The following TNNC2 variants were observed in gnomAD, a reference collection of about 807,000 sequenced individuals.
TNNC2 encodes the protein troponin C2, fast skeletal type.
Under a neutral mutation model 20.0 loss-of-function variants are expected in TNNC2, and 14 were observed. That is an observed-to-expected ratio of 0.70 (90% CI 0.46 to 1.09). TNNC2 has a LOEUF of 1.09. Ranked by LOEUF, TNNC2 falls within the 50% of genes least tolerant of loss-of-function variation. TNNC2 has a pLI of 0.00. For synonymous variants in TNNC2, 81 were observed against 77.3 expected (o/e 1.05, Z -0.25); for missense variants, 163 against 223.8 (o/e 0.73, Z 1.73).
intron 1 of TNNC2, among the ~76,000 whole-genome samples, chr20:45,825,919 C>T (rs567709282): frequency 5.5e-4 from 83 of 152,202 alleles, no homozygotes; most frequent in Non-Finnish European, 1.1e-3. Context: ...CGCGCGCAGC[C>T]TGTGACCCCA....
intron 4 of TNNC2, 59 bp downstream of exon 4, chr20:45,824,233 G>A: frequency 6.2e-7 from 1 of 1,600,928 alleles, no homozygotes; most frequent in Non-Finnish European, 8.5e-7. Context: ...AGCTTCCAGC[G>A]CTGCCGGCCG....
Position 45,823,864 on chromosome 20 carries a change from G to T in TNNC2, c.451+127C>A. 6.7e-7 allele frequency: 1 copy of T among 1,489,414 alleles called. No homozygotes were observed. The highest frequency in any genetic ancestry group is 9.1e-7 in the Non-Finnish European group (1 of 1,102,218). 92.3% of individuals were successfully genotyped at this position (1,489,414 alleles called of 1,614,324 possible). ...CTATACCTGCCCCCAGGAGACTATG[G>T]GGAACTTGGTGAAGTTACGCCCAGC... On this transcript the variant is annotated intron_variant, in intron 5 of 5. Transcript: ENST00000372555. The surrounding 1 kb of genome is among the most constrained non-coding windows in gnomAD (Gnocchi z 4.6).
At chr20:45,826,300 C>T (rs1171618746) in intron 1 of TNNC2, among the ~76,000 whole-genome samples, 3 of 152,228 alleles carry the variant, frequency 2.0e-5, no homozygotes, top group Admixed American at 6.5e-5. Context: ...ATAAAAGACA[C>T]ATCATCCCGC....
chr20:45,832,102 A>C (rs1395961380), upstream of TNNC2, among the ~76,000 whole-genome samples: 2 of 152,192 alleles, frequency 1.3e-5, no homozygotes, highest in Non-Finnish European at 2.9e-5. Context: ...ACTTGAGGCC[A>C]GGTGTTCCAG....
chr20:45,832,389 G>A (rs934514035), intron 2 of TNNC2, among the ~76,000 whole-genome samples: 1 of 152,212 alleles, frequency 6.6e-6, no homozygotes, highest in Admixed American at 6.5e-5. Context: ...TTTCCCAGAT[G>A]TGGATCTTGG....
chr20:45,829,753 T>C (rs1484859673), upstream of TNNC2, among the ~76,000 whole-genome samples: 2 of 149,788 alleles, frequency 1.3e-5, no homozygotes, highest in Non-Finnish European at 3.0e-5. Flanking sequence ...ACCACTGCAC[T>C]CCAGCCTGGG....
In TNNC2 at chr20:45,823,613, C is replaced by A. The variant is rs378710; in HGVS notation, c.452-234G>T. On this transcript the variant is annotated intron_variant, in intron 5 of 5. Transcript: ENST00000372555. This position sits in a 1 kb window ranked among gnomAD's most constrained non-coding sequence, Gnocchi z 4.6. ...CAAGCGATCCTCTTACCTCAGCCCC[C>A]GGAGCAACTGGGACCACAGGTGTGC... Among the ~76,000 whole-genome samples the A allele has an allele frequency of 6.6e-6, 1 of 151,856 alleles. No individual in the cohort carries two copies. The highest frequency in any genetic ancestry group is 1.5e-5 in the Non-Finnish European group (1 of 67,934).
chr20:45,824,104 G>T lies in TNNC2; in HGVS notation c.338C>A (p.Pro113Gln). The change falls in exon 5 of 6, where the codon CCG (proline) becomes CAG (glutamine). Residue 113 changes from proline to glutamine, a missense_variant. By Grantham distance (76) the Pro-to-Gln change is moderately conservative (BLOSUM62 -1). Coordinates refer to ENST00000372555, the MANE Select transcript of TNNC2 (RefSeq NM_003279.3). ...FDRNADGYIDPEELAEIFRAS... is the reference protein window; with the variant it reads ...FDRNADGYIDQEELAEIFRAS... Reference sequence around the variant, plus strand: ...CCTGAAAATCTCAGCCAGCTCCTCCGGGTCGATGTAGCCGTCTGCATTCCT... The same window carrying T: ...CCTGAAAATCTCAGCCAGCTCCTCCTGGTCGATGTAGCCGTCTGCATTCCT... 6.2e-7 allele frequency: 1 copy of T among 1,613,646 alleles called. No individual in the cohort carries two copies. The highest frequency in any genetic ancestry group is 8.5e-7 in the Non-Finnish European group (1 of 1,179,882).
chr20:45,824,469 CCT>C (rs767199987), intron 3 of TNNC2, 24 bp downstream of exon 3: 1 of 1,612,872 alleles, frequency 6.2e-7, no homozygotes, highest in Non-Finnish European at 8.5e-7. Context: ...CCCACCATCC[CCT>C]GCCTCCGAGG....
rs1982926738 is a variant in TNNC2 at position 45,824,839 on chromosome 20, A to C, written c.4-5T>G. The stretch of plus-strand genomic sequence containing the variant: ...GGCCTCAGCCTGCTGGTCCGTCTGC[A>C]GGAGACACAGAGAAAGTCTGAGCTG... On this transcript the variant is annotated splice_region_variant and splice_polypyrimidine_tract_variant and intron_variant, in intron 1 of 5. Coordinates refer to ENST00000372555, the MANE Select transcript of TNNC2 (RefSeq NM_003279.3). 2 of 1,613,988 alleles carry C rather than the reference A, an allele frequency of 1.2e-6. No homozygotes were observed. The highest frequency in any genetic ancestry group is 2.7e-5 in the African/African-American group (2 of 74,900).
In TNNC2 at chr20:45,824,025, G is replaced by C. The variant is rs769543985; in HGVS notation, c.417C>G (p.Gly139=). The C allele has an allele frequency of 6.2e-7, 1 of 1,614,062 alleles. No individual in the cohort carries two copies. The highest frequency in any genetic ancestry group is 1.7e-5 in the Admixed American group (1 of 60,020). Residue 139 remains glycine (G), a synonymous_variant, in exon 5 of 6, where the codon GGC becomes GGG. Coordinates refer to ENST00000372555, the MANE Select transcript of TNNC2 (RefSeq NM_003279.3). ...DEEIESLMKD[G]DKNNDGRIDF... ...CAATGCGGCCGTCGTTGTTCTTGTC[G>C]CCGTCTTTCATCAGAGATTCGATCT...
Position 45,824,071 on chromosome 20 carries a change from C to T in TNNC2, c.371G>A (p.Gly124Glu), listed in dbSNP as rs1158641864. 6.2e-7 allele frequency: 1 copy of T among 1,614,152 alleles called. No homozygotes were observed. Among genetic ancestry groups the T allele is most frequent in the Non-Finnish European group, 8.5e-7 (1 of 1,180,012 alleles). ...GATCTCCTCGTCCGTCACGTGCTCC[C>T]CGGAGGCCCTGAAAATCTCAGCCAG... ...EELAEIFRAS[G>E]EHVTDEEIES... Residue 124 changes from glycine to glutamate, a missense_variant, in exon 5 of 6, where the codon GGG (glycine) becomes GAG (glutamate). By Grantham distance (98) the Gly-to-Glu change is moderately conservative (BLOSUM62 -2). Transcript: ENST00000372555.
chr20:45,826,363 G>C (rs1346231120), intron 1 of TNNC2, among the ~76,000 whole-genome samples: 1 of 152,216 alleles, frequency 6.6e-6, no homozygotes. Flanking sequence ...TTAGGATTCA[G>C]TCATTGGAGA....
chr20:45,825,097 C>A (rs1184653583), intron 1 of TNNC2, among the ~76,000 whole-genome samples: 1 of 152,182 alleles, frequency 6.6e-6, no homozygotes, highest in Non-Finnish European at 1.5e-5. Flanking sequence ...AATCGTCCCA[C>A]TTCAGCCTCC....
At chr20:45,828,887 G>A (rs913458618), upstream of TNNC2, among the ~76,000 whole-genome samples, 5 of 152,222 alleles carry the variant, frequency 3.3e-5, no homozygotes, top group African/African-American at 9.7e-5. Flanking sequence ...GCAGGGCTGG[G>A]CCAAGCTAAA....
intron 1 of TNNC2, 50 bp downstream of exon 1, chr20:45,827,196 G>T: frequency 6.2e-7 from 1 of 1,613,822 alleles, no homozygotes; most frequent in African/African-American, 1.3e-5. Context: ...CCTGAAAGGG[G>T]TCCAGAGTGC....
chr20:45,823,828 G>A lies in TNNC2; in HGVS notation c.451+163C>T, dbSNP rs535210380. Among the ~76,000 whole-genome samples the A allele has an allele frequency of 2.0e-5, 3 of 151,942 alleles. No individual in the cohort carries two copies. Among genetic ancestry groups the A allele is most frequent in the African/African-American group, 4.8e-5 (2 of 41,356 alleles). On this transcript the variant is annotated intron_variant, in intron 5 of 5. Transcript: ENST00000372555. This position sits in a 1 kb window ranked among gnomAD's most constrained non-coding sequence, Gnocchi z 4.6. ...ATTAATTGATAAACTGCACAGAGTCGTGGAGCGCTTCTATACCTGCCCCCA... is the reference window on the plus strand; with the variant it reads ...ATTAATTGATAAACTGCACAGAGTCATGGAGCGCTTCTATACCTGCCCCCA...
intron 1 of TNNC2, among the ~76,000 whole-genome samples, chr20:45,826,308 C>T (rs1433933108): frequency 6.6e-6 from 1 of 152,198 alleles, no homozygotes; most frequent in South Asian, 2.1e-4. Flanking sequence ...CACATCATCC[C>T]GCCCCTCAGA....
chr20:45,830,130 C>T (rs1002977930), upstream of TNNC2, among the ~76,000 whole-genome samples: 13 of 151,326 alleles, frequency 8.6e-5, no homozygotes, highest in Non-Finnish European at 1.0e-4. Flanking sequence ...GTCAGGAGTT[C>T]GAGACCATCC....
Sources: allele counts gnomAD v4.1 joint callset (sites outside exome capture counted in the v4.1 genomes callset), GRCh38; gene constraint gnomAD v4.1.1; non-coding constraint Gnocchi (gnomAD v3.1); transcripts MANE v1.5; gene names NCBI Gene and HGNC (gene_info 2026-07-23, HGNC 2026-07-21).